Variants in BRF1 observed in about 807,000 individuals in gnomAD.
The protein encoded by BRF1 is BRF1 general transcription factor IIIB subunit, also known as transcription factor IIIB 90 kDa subunit.
A neutral mutation model predicts 81.7 loss-of-function variants in BRF1; 59 were observed. That is an observed-to-expected ratio of 0.72 (90% CI 0.59 to 0.90). BRF1 has a LOEUF of 0.90. Ranked by LOEUF, BRF1 falls within the 40% of genes least tolerant of loss-of-function variation. The probability of loss-of-function intolerance (pLI) is 0.00; values close to 1 mark genes in which losing one functional copy is unlikely to be tolerated. For synonymous variants in BRF1, 491 were observed against 395.6 expected (o/e 1.24, Z -2.86); for missense variants, 1,050 against 936.3 (o/e 1.12, Z -1.58).
chr14:105,290,791 TG>T (rs2057478471), intron 1 of BRF1, among the ~76,000 whole-genome samples: 1 of 151,890 alleles, frequency 6.6e-6, no homozygotes, highest in Non-Finnish European at 1.5e-5. Context: ...CCTGTCCCTG[TG>T]TTGTTCTCCC....
At chr14:105,249,637 T>TA in intron 5 of BRF1, 1 of 1,603,786 alleles carries the variant, frequency 6.2e-7, no homozygotes, top group South Asian at 1.1e-5. Context: ...CTGCCTCGCC[T>TA]AGGTACATGT....
At chr14:105,273,919 T>C (rs149008272) in intron 2 of BRF1, among the ~76,000 whole-genome samples, 9 of 152,316 alleles carry the variant, frequency 5.9e-5, no homozygotes, top group African/African-American at 1.9e-4. Context: ...CTGAGGTGGA[T>C]TGGTAAAAGA....
At chr14:105,254,547 G>A (rs587608121) in intron 4 of BRF1, among the ~76,000 whole-genome samples, 14 of 151,772 alleles carry the variant, frequency 9.2e-5, no homozygotes, top group South Asian at 4.2e-4. Flanking sequence ...GTGAGCCACC[G>A]CACCTGGCCG....
chr14:105,229,487 C>A (rs1421117586), intron 6 of BRF1, among the ~76,000 whole-genome samples: 1 of 152,202 alleles, frequency 6.6e-6, no homozygotes, highest in African/African-American at 2.4e-5. Context: ...GGAGTGAGGG[C>A]CCTGCCGACC....
At chr14:105,223,965 C>G (rs150386070) in intron 10 of BRF1, among the ~76,000 whole-genome samples, 3 of 152,334 alleles carry the variant, frequency 2.0e-5, no homozygotes, top group African/African-American at 7.2e-5. Context: ...ATGCCGCACC[C>G]AATAGTTTAA....
chr14:105,307,304 A>G lies in BRF1; in HGVS notation c.-162+8018T>C, dbSNP rs190139152. 6.7e-4 allele frequency among the ~76,000 whole-genome samples: 102 copies of G among 152,104 alleles called. No homozygotes were observed. In the East Asian group the frequency reaches 0.02, roughly 29 times the overall value. On this transcript the variant is annotated intron_variant, in intron 1 of 17. Transcript: ENST00000327359. ...CCTGAACACTAGCCCCCTGCCCTAA[A>G]TCACCCCAAGGCCAGGTACCAGCTA...
At chr14:105,246,372 A>G (rs1477653958) in intron 5 of BRF1, among the ~76,000 whole-genome samples, 1 of 152,002 alleles carries the variant, frequency 6.6e-6, no homozygotes, top group East Asian at 1.9e-4. Context: ...TAGGATGACC[A>G]TTATCACAAA....
chr14:105,217,353 G>T, intron 15 of BRF1, 191 bp downstream of exon 15: 1 of 880,186 alleles, frequency 1.1e-6, no homozygotes, highest in Non-Finnish European at 1.7e-6. Context: ...CAGCCTGCCA[G>T]GCCAAGGAGA....
chr14:105,217,659 T>C lies in BRF1; in HGVS notation c.1657A>G (p.Ser553Gly). The change falls in exon 15 of 18, where the codon AGT becomes GGT. Residue 553 changes from serine to glycine, a missense_variant. This residue lies in a region of BRF1 where 1,043 missense variants were observed against 915.4 expected (regional missense o/e 1.14). Coordinates refer to ENST00000547530, the MANE Select transcript of BRF1 (RefSeq NM_001519.4). The stretch of plus-strand genomic sequence containing the variant: ...GGCTGTGCATCCTCCCTGTGCGGAC[T>C]GCCCCCGCCGGCGCTGCTGAGGCCC... Reference protein sequence around the residue: ...LRGLSSAGGGSPHREDAQPEH... With the variant: ...LRGLSSAGGGGPHREDAQPEH... 2.5e-6 allele frequency: 4 copies of C among 1,613,306 alleles called. No homozygotes were observed. Among genetic ancestry groups the C allele is most frequent in the Non-Finnish European group, 3.4e-6 (4 of 1,180,022 alleles).
intron 2 of BRF1, among the ~76,000 whole-genome samples, chr14:105,281,071 C>A (rs28508590): frequency 7.9e-5 from 5 of 62,988 alleles, no homozygotes; most frequent in South Asian, 6.3e-4. Context: ...CCCAGGTGTG[C>A]GGATACAGCC....
Position 105,300,458 on chromosome 14 carries a change from C to T in BRF1, c.172G>A (p.Val58Met). The change falls in exon 1 of 18, where the codon GTG becomes ATG. Residue 58 changes from valine (V) to methionine (M), a missense_variant. Physicochemically the swap from Val to Met is conservative, Grantham distance 21 (BLOSUM62 1). Transcript: ENST00000547530. ...CCGCGGGACTCACCGTCCAGGGACACGAACTGGCCCACGGCCGAGGAGCCG... is the reference window on the plus strand; with the variant it reads ...CCGCGGGACTCACCGTCCAGGGACATGAACTGGCCCACGGCCGAGGAGCCG... ...GGGSSAVGQF[V>M]SLDGAGKTPT... 8 of 1,529,700 alleles carry T rather than the reference C, an allele frequency of 5.2e-6. No individual in the cohort carries two copies. Among genetic ancestry groups the T allele is most frequent in the Non-Finnish European group, 7.0e-6 (8 of 1,143,050 alleles). The allele number at this position is 1,529,700 out of a possible 1,614,324, so 94.8% of individuals were successfully genotyped here.
At chr14:105,249,473 C>G in intron 5 of BRF1, 1 of 1,584,876 alleles carries the variant, frequency 6.3e-7, no homozygotes, top group Non-Finnish European at 8.7e-7. Flanking sequence ...TTCTGATCCT[C>G]TTAAAGTAAG....
Position 105,226,717 on chromosome 14 carries a change from C to G in BRF1, c.832G>C (p.Asp278His). The change falls in exon 8 of 18, where the codon GAT becomes CAT. Residue 278 changes from aspartate (D) to histidine (H), a missense_variant. Physicochemically the swap from Asp to His is moderately conservative, Grantham distance 81. Coordinates refer to ENST00000547530, the MANE Select transcript of BRF1 (RefSeq NM_001519.4). ...TCCAGGTCGATCTTCATGAACTCAT[C>G]AATGGTCAACTGACTGGTGGGGGTG... is the stretch of plus-strand genomic sequence containing the variant. ...EDTPTSQLTIDEFMKIDLEEE... is the reference protein window; with the variant it reads ...EDTPTSQLTIHEFMKIDLEEE... 6.2e-7 allele frequency: 1 copy of G among 1,613,750 alleles called. No homozygotes were observed. Among genetic ancestry groups the G allele is most frequent in the Non-Finnish European group, 8.5e-7 (1 of 1,180,028 alleles).
chr14:105,249,283 C>A (rs753123398), intron 5 of BRF1: 2 of 1,558,056 alleles, frequency 1.3e-6, no homozygotes, highest in South Asian at 2.3e-5. Flanking sequence ...ACGCGTGCCC[C>A]GTCCGCCCCG....
chr14:105,253,872 C>G (rs925818690), intron 4 of BRF1, among the ~76,000 whole-genome samples: 1 of 152,252 alleles, frequency 6.6e-6, no homozygotes, highest in Non-Finnish European at 1.5e-5. Context: ...GCTCACCAAA[C>G]TGGGGGGCGT....
At chr14:105,218,937 A>G (rs1158429863) in intron 14 of BRF1, 61 bp downstream of exon 14, 2 of 1,607,066 alleles carry the variant, frequency 1.2e-6, no homozygotes, top group African/African-American at 2.7e-5. Flanking sequence ...TTCCAGAGAC[A>G]TTTGCCCCCC....
At chr14:105,214,661 C>G (rs1240651363) in intron 15 of BRF1, among the ~76,000 whole-genome samples, 1 of 152,196 alleles carries the variant, frequency 6.6e-6, no homozygotes, top group Non-Finnish European at 1.5e-5. Flanking sequence ...CACCGGCAGC[C>G]AAAGAGAAAG....
At chr14:105,264,666 C>CAAAAAAAA (rs56970432) in intron 3 of BRF1, among the ~76,000 whole-genome samples, 2 of 60,796 alleles carry the variant, frequency 3.3e-5, no homozygotes, top group African/African-American at 6.9e-5. Flanking sequence ...GACTCCATCT[C>CAAAAAAAA]AAAAAAAAAA....
chr14:105,226,617 A>G lies in BRF1; in HGVS notation c.915+17T>C. On this transcript the variant is annotated intron_variant, in intron 8 of 17. Coordinates refer to ENST00000547530, the MANE Select transcript of BRF1 (RefSeq NM_001519.4). ...GCTGGCAAGCCCAGCACAGACAGAC[A>G]CCAAAGCCGGCGCTACCTGCTTCAT... The G allele has an allele frequency of 6.2e-7, 1 of 1,612,786 alleles. No homozygotes were observed.
Sources: gnomAD v4.1 joint callset for allele counts (sites outside exome capture counted in the v4.1 genomes callset) on GRCh38, gnomAD v4.1.1 for gene constraint, gnomAD v4.1.1 regional missense constraint, MANE v1.5 for transcripts, NCBI Gene and HGNC (gene_info 2026-07-23, HGNC 2026-07-21) for gene names.